NAA60: variants seen among roughly 807,000 people sequenced by gnomAD.
NAA60 encodes N-alpha-acetyltransferase 60.
NAA60 carries 8 observed loss-of-function variants against 26.1 expected under a neutral mutation model. The observed-to-expected ratio is 0.31, with a 90% confidence interval of 0.18 to 0.55. The LOEUF is 0.55. NAA60 is among the 20% of genes least tolerant of loss of function. The pLI, the probability that NAA60 is intolerant of heterozygous loss-of-function variation, is 0.93. For missense variants in NAA60, 290 were observed against 311.3 expected, an observed-to-expected ratio of 0.93 and a Z score of 0.51; for synonymous variants, 131 against 122.5, an observed-to-expected ratio of 1.07 and a Z score of -0.46.
intron 3 of NAA60, among the ~76,000 whole-genome samples, chr16:3,477,935 G>A (rs912922120): frequency 3.9e-5 from 6 of 152,112 alleles, no homozygotes; most frequent in African/African-American, 1.4e-4. Flanking sequence ...GCATGGTGCA[G>A]GCACCTGTAA....
intron 4 of NAA60, among the ~76,000 whole-genome samples, chr16:3,480,591 TC>T (rs930087650): frequency 6.9e-6 from 1 of 145,778 alleles, no homozygotes; most frequent in African/African-American, 2.6e-5. Flanking sequence ...AAGCAAGACT[TC>T]GTCTAAAAAA....
At chr16:3,446,155 C>T (rs1210731091) in intron 1 of NAA60, among the ~76,000 whole-genome samples, 1 of 152,108 alleles carries the variant, frequency 6.6e-6, no homozygotes, top group Non-Finnish European at 1.5e-5. Context: ...TTTCTATAGC[C>T]CAGCATCTGC....
chr16:3,449,750 AGTAGGAG>A (rs752157776), intron 2 of NAA60, among the ~76,000 whole-genome samples: 15 of 152,100 alleles, frequency 9.9e-5, no homozygotes, highest in Non-Finnish European at 2.2e-4. Flanking sequence ...GGAGGGACCC[AGTAGGAG>A]GTAATTGAAT....
chr16:3,483,397 A>G lies in NAA60; in HGVS notation c.372A>G (p.Ile124Met), dbSNP rs1345295329. The change falls in exon 6 of 8, where the codon ATA (isoleucine) becomes ATG (methionine). Residue 124 changes from isoleucine to methionine, a missense_variant. By Grantham distance (10) the Ile-to-Met change is conservative. Coordinates refer to ENST00000407558, the MANE Select transcript of NAA60 (RefSeq NM_001083601.3). The part of the protein sequence containing the change: ...SLLLESLKDH[I>M]STTAQDHCKA... ...TACTTGAAAGTTTAAAGGATCACAT[A>G]TCAACCACCGCCCAGGACCACTGCA... is the stretch of plus-strand genomic sequence containing the variant. 6.2e-7 allele frequency: 1 copy of G among 1,613,290 alleles called. No homozygotes were observed. Among genetic ancestry groups the G allele is most frequent in the Non-Finnish European group, 8.5e-7 (1 of 1,179,606 alleles).
At chr16:3,484,448 T>G in intron 6 of NAA60, 1 of 562,890 alleles carries the variant, frequency 1.8e-6, no homozygotes, top group Non-Finnish European at 3.2e-6. Flanking sequence ...CTGGGTGTGG[T>G]GTCCACATGC....
chr16:3,483,351 C>G lies in NAA60; in HGVS notation c.338-12C>G. ...TGCTCTGCCTGCATTACCTTTACCT[C>G]TTCTCCCCAAGGTTCCCTCTTACTT... On this transcript the variant is annotated splice_polypyrimidine_tract_variant and intron_variant, in intron 5 of 7. Transcript: ENST00000407558. The G allele has an allele frequency of 6.3e-7, 1 of 1,586,528 alleles. No homozygotes were observed. Among genetic ancestry groups the G allele is most frequent in the Non-Finnish European group, 8.6e-7 (1 of 1,163,982 alleles).
At chr16:3,446,904 C>G (rs1005529555) in intron 1 of NAA60, among the ~76,000 whole-genome samples, 1 of 152,146 alleles carries the variant, frequency 6.6e-6, no homozygotes, top group African/African-American at 2.4e-5. Flanking sequence ...AGCCACCGCA[C>G]CTGGCCTGCT....
At position 3,485,918 on chromosome 16, in the gene NAA60, T is replaced by A; in HGVS notation, c.*658T>A. 5.7e-6 allele frequency: 2 copies of A among 348,050 alleles called. No homozygotes were observed. Among genetic ancestry groups the A allele is most frequent in the South Asian group, 4.3e-5 (2 of 46,846 alleles). The allele number at this position is 348,050 out of a possible 1,614,324, so 21.6% of individuals were successfully genotyped here. Reference sequence around the variant, plus strand: ...GGCGGTCACGCATCAGGACGGTTCCTACTCCTCAGCACCTTCCGTGCAGTT... The same window carrying A: ...GGCGGTCACGCATCAGGACGGTTCCAACTCCTCAGCACCTTCCGTGCAGTT... On this transcript the variant is annotated 3_prime_UTR_variant, in exon 8 of 8. Coordinates refer to ENST00000407558, the MANE Select transcript of NAA60 (RefSeq NM_001083601.3).
At chr16:3,457,910 C>G (rs1043612840) in intron 2 of NAA60, 9 of 392,262 alleles carry the variant, frequency 2.3e-5, no homozygotes, top group Middle Eastern at 1.3e-3. Context: ...GGAGCCTGCC[C>G]GCTCCCAACC....
chr16:3,458,063 G>GC, intron 2 of NAA60: 1 of 985,322 alleles, frequency 1.0e-6, no homozygotes, highest in Non-Finnish European at 1.2e-6. Context: ...CCCGGCTGCG[G>GC]CCCCTGCCGG....
chr16:3,462,634 C>T (rs2035483837), intron 2 of NAA60: 1 of 152,142 alleles, frequency 6.6e-6, no homozygotes, highest in Non-Finnish European at 1.5e-5. Flanking sequence ...ATGGCATGAA[C>T]ATAACCTGTA....
chr16:3,468,405 C>T (rs139733767), intron 2 of NAA60, among the ~76,000 whole-genome samples: 3 of 152,264 alleles, frequency 2.0e-5, no homozygotes, highest in Non-Finnish European at 4.4e-5. Context: ...GCCTCCAGAC[C>T]CTATTCTCCT....
Position 3,483,506 on chromosome 16 carries a change from C to G in NAA60, c.481C>G (p.Leu161Val). 1 of 1,613,988 alleles carries G rather than the reference C, an allele frequency of 6.2e-7. No homozygotes were observed. The highest frequency in any genetic ancestry group is 8.5e-7 in the Non-Finnish European group (1 of 1,179,868). ...ENRDFKQHHY[L>V]PYYYSIRGVL... ...CAGAGACTTCAAGCAGCACCACTAT[C>G]TCCCCTATTACTACTCCATTCGAGG... Residue 161 changes from leucine (L) to valine (V), a missense_variant, in exon 6 of 8, where the codon CTC becomes GTC. Transcript: ENST00000407558.
intron 2 of NAA60, among the ~76,000 whole-genome samples, chr16:3,458,759 C>T (rs1196143883): frequency 1.3e-5 from 2 of 152,148 alleles, no homozygotes; most frequent in African/African-American, 4.8e-5. Flanking sequence ...AGACAAATTC[C>T]TTACGTTCCT....
intron 6 of NAA60, among the ~76,000 whole-genome samples, chr16:3,484,349 C>G (rs1458343023): frequency 9.9e-5 from 15 of 152,178 alleles, no homozygotes; most frequent in Admixed American, 9.8e-4. Context: ...AGGGCTCTGT[C>G]CCTCTTGCTG....
intron 2 of NAA60, chr16:3,467,712 T>G (rs1005774238): frequency 6.6e-6 from 1 of 152,230 alleles, no homozygotes; most frequent in East Asian, 1.9e-4. Flanking sequence ...TGGCGGGGGA[T>G]GGCAGACACA....
At chr16:3,462,705 A>G (rs2035489981) in intron 2 of NAA60, 1 of 152,186 alleles carries the variant, frequency 6.6e-6, no homozygotes, top group African/African-American at 2.4e-5. Context: ...TCTATTAAGA[A>G]AAGCGTTTTT....
At chr16:3,450,198 T>C in intron 2 of NAA60, 1 of 352,992 alleles carries the variant, frequency 2.8e-6, no homozygotes, top group Non-Finnish European at 5.1e-6. Flanking sequence ...TGTGCTAGTC[T>C]CATGGAGCTT....
chr16:3,458,404 G>T (rs1173638358), intron 2 of NAA60, among the ~76,000 whole-genome samples: 1 of 152,130 alleles, frequency 6.6e-6, no homozygotes, highest in African/African-American at 2.4e-5. Flanking sequence ...AGGGACGAGG[G>T]TTGAGGAGGT....
Sources: gnomAD v4.1 joint callset for allele counts (sites outside exome capture counted in the v4.1 genomes callset) on GRCh38, gnomAD v4.1.1 for gene constraint, MANE v1.5 for transcripts, NCBI Gene and HGNC (gene_info 2026-07-23, HGNC 2026-07-21) for gene names.